The following ABCC4 variants were observed in gnomAD, a reference collection of about 807,000 sequenced individuals.
ABCC4 encodes ATP binding cassette subfamily C member 4 (PEL blood group), also known as ATP-binding cassette sub-family C member 4.
A neutral mutation model predicts 168.5 loss-of-function variants in ABCC4; 102 were observed. That is an observed-to-expected ratio of 0.61 (90% CI 0.52 to 0.71). ABCC4 has a LOEUF of 0.71. Ranked by LOEUF, ABCC4 falls within the 30% of genes least tolerant of loss-of-function variation. ABCC4 has a pLI of 0.00. For synonymous variants in ABCC4, 617 were observed against 590.7 expected, an observed-to-expected ratio of 1.04 and a Z score of -0.65; for missense variants, 1,402 against 1,605.8, an observed-to-expected ratio of 0.87 and a Z score of 2.17.
chr13:95,237,584 A>G (rs1247245028), intron 3 of ABCC4, among the ~76,000 whole-genome samples: 1 of 152,160 alleles, frequency 6.6e-6, no homozygotes, highest in Non-Finnish European at 1.5e-5. Context: ...TTCAGGTTCT[A>G]CTGGAGTCCC....
chr13:95,223,450 A>G (rs1471421597), intron 4 of ABCC4, among the ~76,000 whole-genome samples: 1 of 152,182 alleles, frequency 6.6e-6, no homozygotes, highest in Non-Finnish European at 1.5e-5. Flanking sequence ...GAAACTGAGG[A>G]AAAATATGAG....
In ABCC4 at chr13:95,163,162, G is replaced by A. The variant is rs747539313; in HGVS notation, c.2268C>T (p.Thr756=). ...AGTACCAGTTAAGATCTAGCTTCTCGGTTACATTTCCTCCTCCATTTACAG... is the reference window on the plus strand; with the variant it reads ...AGTACCAGTTAAGATCTAGCTTCTCAGTTACATTTCCTCCTCCATTTACAG... ...NVTVNGGGNV[T]EKLDLNWYLG... Residue 756 remains threonine (T), a synonymous_variant, in exon 18 of 31, where the codon ACC becomes ACT. Transcript: ENST00000645237. 2.4e-5 allele frequency: 39 copies of A among 1,612,970 alleles called. No individual in the cohort carries two copies. In the Admixed American group the frequency reaches 4.3e-4, roughly 18 times the overall value.
At chr13:95,239,306 GA>G (rs1314494348) in intron 3 of ABCC4, among the ~76,000 whole-genome samples, 5 of 152,116 alleles carry the variant, frequency 3.3e-5, no homozygotes, top group African/African-American at 1.2e-4. Flanking sequence ...GATGAAGGGA[GA>G]AAAGAGATAC....
intron 27 of ABCC4, among the ~76,000 whole-genome samples, chr13:95,052,247 C>T (rs1271710823): frequency 6.6e-6 from 1 of 152,198 alleles, no homozygotes; most frequent in Admixed American, 6.5e-5. Flanking sequence ...TTCCAAAGTG[C>T]TGGGATTACA....
chr13:95,149,513 C>T (rs1043543712), intron 19 of ABCC4, among the ~76,000 whole-genome samples: 8 of 151,790 alleles, frequency 5.3e-5, no homozygotes, highest in African/African-American at 9.7e-5. Context: ...AAATTTTATG[C>T]GCCCAGGCCA....
At chr13:95,289,156 G>T (rs1320671699) in intron 1 of ABCC4, among the ~76,000 whole-genome samples, 1 of 152,178 alleles carries the variant, frequency 6.6e-6, no homozygotes, top group East Asian at 1.9e-4. Context: ...AAAAGAAGCG[G>T]TCAGTTGGGT....
intron 13 of ABCC4, among the ~76,000 whole-genome samples, chr13:95,174,598 G>A (rs981782642): frequency 1.1e-4 from 16 of 152,242 alleles, no homozygotes; most frequent in African/African-American, 3.9e-4. Flanking sequence ...TACCTCCTGT[G>A]TTCAAATGAA....
At chr13:95,032,836 TG>T (rs1417282651) in intron 30 of ABCC4, among the ~76,000 whole-genome samples, 1 of 151,428 alleles carries the variant, frequency 6.6e-6, no homozygotes, top group Non-Finnish European at 1.5e-5. Context: ...AGCTAATTTT[TG>T]TATTTTTAGT....
At chr13:95,218,939 A>AAGAG (rs1566539539) in intron 4 of ABCC4, among the ~76,000 whole-genome samples, 1 of 29,486 alleles carries the variant, frequency 3.4e-5, no homozygotes, top group Admixed American at 2.8e-4. Flanking sequence ...GAAAGAAAGA[A>AAGAG]AGAAAGAAAG....
At chr13:95,151,767 C>T (rs1442730075) in intron 19 of ABCC4, among the ~76,000 whole-genome samples, 1 of 152,178 alleles carries the variant, frequency 6.6e-6, no homozygotes, top group South Asian at 2.1e-4. Flanking sequence ...GAGTAGAAGA[C>T]CAAGAAATGC....
chr13:95,208,766 G>A (rs575730451), intron 6 of ABCC4, among the ~76,000 whole-genome samples: 7 of 151,796 alleles, frequency 4.6e-5, no homozygotes, highest in Non-Finnish European at 8.8e-5. Flanking sequence ...GATTACAGGC[G>A]TGTACCACCA....
intron 26 of ABCC4, among the ~76,000 whole-genome samples, chr13:95,057,351 T>C (rs768890750): frequency 1.3e-5 from 2 of 152,152 alleles, no homozygotes; most frequent in Non-Finnish European, 2.9e-5. Context: ...GCAATTCTCC[T>C]GCTTCGGCCT....
intron 19 of ABCC4, among the ~76,000 whole-genome samples, chr13:95,151,460 C>T (rs913605945): frequency 1.5e-5 from 2 of 137,870 alleles, no homozygotes; most frequent in African/African-American, 5.4e-5. Context: ...AGGCAACAGA[C>T]CAAGACTCTG....
chr13:95,095,263 G>GAGTGGATAAAGAAACTGTGAGATTATCT, intron 20 of ABCC4, among the ~76,000 whole-genome samples: 1 of 152,030 alleles, frequency 6.6e-6, no homozygotes. Flanking sequence ...ATCAATCAAT[G>GAGTGGATAAAGAAACTGTGAGATTATCT]AGTGGATAAA....
intron 20 of ABCC4, among the ~76,000 whole-genome samples, chr13:95,103,187 C>T (rs1566419854): frequency 6.6e-6 from 1 of 152,072 alleles, no homozygotes; most frequent in East Asian, 2.0e-4. Flanking sequence ...ATGGCATGAA[C>T]CTGGGAGGCA....
chr13:95,284,784 T>C (rs1027027855), intron 1 of ABCC4, among the ~76,000 whole-genome samples: 4 of 152,186 alleles, frequency 2.6e-5, no homozygotes, highest in African/African-American at 4.8e-5. Flanking sequence ...CTAAGTTACC[T>C]ACCTGGTTTG....
chr13:95,247,189 G>A, intron 2 of ABCC4, 94 bp from the exon 3 acceptor site: 8 of 1,386,600 alleles, frequency 5.8e-6, no homozygotes, highest in Non-Finnish European at 6.9e-6. Flanking sequence ...ATTTAAGACA[G>A]GGCATTTTGT....
chr13:95,219,481 GA>G (rs1249095573), intron 4 of ABCC4, among the ~76,000 whole-genome samples: 3 of 152,146 alleles, frequency 2.0e-5, no homozygotes, highest in Non-Finnish European at 4.4e-5. Flanking sequence ...TACCCCCATT[GA>G]AGAGGAAGAA....
At chr13:95,112,940 T>C (rs915982956) in intron 20 of ABCC4, among the ~76,000 whole-genome samples, 2 of 152,122 alleles carry the variant, frequency 1.3e-5, no homozygotes, top group African/African-American at 4.8e-5. Flanking sequence ...CACAAAGTCA[T>C]CCAGGAAATT....
Sources: gnomAD v4.1 joint callset for allele counts (sites outside exome capture counted in the v4.1 genomes callset) on GRCh38, gnomAD v4.1.1 for gene constraint, MANE v1.5 for transcripts, NCBI Gene and HGNC (gene_info 2026-07-23, HGNC 2026-07-21) for gene names.